SPSB4: variants seen among roughly 807,000 people sequenced by gnomAD.
SPSB4 encodes the protein SPRY domain-containing SOCS box protein 4.
SPSB4 carries 21 observed loss-of-function variants against 20.9 expected under a neutral mutation model. The ratio of observed to expected loss-of-function variants is 1.01; its 90% CI spans 0.71 to 1.45. The LOEUF is 1.45. Among genes scored for constraint, SPSB4 ranks in the 40% most tolerant of loss-of-function variants. The pLI is 0.00. For synonymous variants in SPSB4, 207 were observed against 183.8 expected, an observed-to-expected ratio of 1.13 and a Z score of -1.02; for missense variants, 399 against 399.2, an observed-to-expected ratio of 1.00 and a Z score of 0.00.
intron 2 of SPSB4, among the ~76,000 whole-genome samples, chr3:141,142,662 A>C (rs1939349680): frequency 6.6e-6 from 1 of 151,852 alleles, no homozygotes; most frequent in Non-Finnish European, 1.5e-5. Context: ...ACTATTGTGT[A>C]GTTGTCTATC....
chr3:141,142,073 C>A (rs1939339174), intron 2 of SPSB4, among the ~76,000 whole-genome samples: 1 of 151,896 alleles, frequency 6.6e-6, no homozygotes, highest in African/African-American at 2.4e-5. Flanking sequence ...TATTTATTTT[C>A]TTCTGCTGAG....
intron 2 of SPSB4, among the ~76,000 whole-genome samples, chr3:141,129,486 C>T (rs1390762306): frequency 6.6e-6 from 1 of 152,252 alleles, no homozygotes; most frequent in African/African-American, 2.4e-5. Context: ...ATTTCTCCAC[C>T]ATCCTGTTGC....
At chr3:141,081,518 G>A (rs541679843) in intron 2 of SPSB4, among the ~76,000 whole-genome samples, 1 of 152,312 alleles carries the variant, frequency 6.6e-6, no homozygotes, top group African/African-American at 2.4e-5. Flanking sequence ...GCCAATGAGT[G>A]TCAGGCTGCA....
chr3:141,079,868 C>T (rs751483120), intron 2 of SPSB4, among the ~76,000 whole-genome samples: 18 of 152,066 alleles, frequency 1.2e-4, no homozygotes, highest in African/African-American at 2.7e-4. Context: ...AGGGGAAGAG[C>T]GAGTCAGTGG....
chr3:141,095,078 G>T (rs979905540), intron 2 of SPSB4, among the ~76,000 whole-genome samples: 1 of 152,152 alleles, frequency 6.6e-6, no homozygotes, highest in Non-Finnish European at 1.5e-5. Context: ...CAAACGGGGC[G>T]TGTCTCGTCG....
intron 2 of SPSB4, among the ~76,000 whole-genome samples, chr3:141,135,883 G>T (rs1407154913): frequency 6.6e-6 from 1 of 152,154 alleles, no homozygotes; most frequent in Non-Finnish European, 1.5e-5. Flanking sequence ...GGGTCAAATG[G>T]TATTTCTAGT....
At chr3:141,055,407 TGACA>T (rs1174143402) in intron 1 of SPSB4, among the ~76,000 whole-genome samples, 1 of 152,070 alleles carries the variant, frequency 6.6e-6, no homozygotes, top group Non-Finnish European at 1.5e-5. Context: ...TGGGCCGTGA[TGACA>T]GACAGTGTGG....
At chr3:141,077,798 T>G (rs549675059) in intron 2 of SPSB4, among the ~76,000 whole-genome samples, 2 of 152,322 alleles carry the variant, frequency 1.3e-5, no homozygotes, top group Non-Finnish European at 2.9e-5. Flanking sequence ...GTGGGCTGTT[T>G]AGTGAGGGCT....
chr3:141,143,312 C>T (rs1176856563), intron 2 of SPSB4, among the ~76,000 whole-genome samples: 1 of 152,176 alleles, frequency 6.6e-6, no homozygotes, highest in East Asian at 1.9e-4. Context: ...TTTTTATTCA[C>T]CTTGATGTGG....
chr3:141,111,204 G>A (rs562139899), intron 2 of SPSB4, among the ~76,000 whole-genome samples: 14 of 152,202 alleles, frequency 9.2e-5, no homozygotes, highest in Admixed American at 1.3e-4. Flanking sequence ...AACTTGAACT[G>A]GGTGAGACTA....
chr3:141,052,382 A>C (rs910259658), intron 1 of SPSB4, among the ~76,000 whole-genome samples: 1 of 152,168 alleles, frequency 6.6e-6, no homozygotes, highest in Non-Finnish European at 1.5e-5. Flanking sequence ...TTATAGGGGT[A>C]TTGGAAAGAT....
At chr3:141,142,974 G>C (rs188514499) in intron 2 of SPSB4, among the ~76,000 whole-genome samples, 2 of 151,450 alleles carry the variant, frequency 1.3e-5, no homozygotes, top group African/African-American at 4.9e-5. Flanking sequence ...CCGCCACCAC[G>C]CCCAGCTAAT....
At chr3:141,134,658 G>A (rs1174392378) in intron 2 of SPSB4, among the ~76,000 whole-genome samples, 1 of 152,098 alleles carries the variant, frequency 6.6e-6, no homozygotes, top group Non-Finnish European at 1.5e-5. Flanking sequence ...TGCATGCCTG[G>A]TGTGAAACCT....
intron 2 of SPSB4, among the ~76,000 whole-genome samples, chr3:141,139,942 T>C (rs1939296125): frequency 6.6e-6 from 1 of 152,208 alleles, no homozygotes; most frequent in African/African-American, 2.4e-5. Context: ...CCAACTTGGT[T>C]CCATTCTCCC....
chr3:141,080,700 C>G (rs1938214463), intron 2 of SPSB4, among the ~76,000 whole-genome samples: 1 of 152,226 alleles, frequency 6.6e-6, no homozygotes, highest in Non-Finnish European at 1.5e-5. Flanking sequence ...CTGCGCAAGC[C>G]ACCCAGGAGA....
chr3:141,134,350 A>G (rs1456161797), intron 2 of SPSB4, among the ~76,000 whole-genome samples: 1 of 151,830 alleles, frequency 6.6e-6, no homozygotes, highest in Non-Finnish European at 1.5e-5. Context: ...TCCAGCATAT[A>G]CTGTTGAATA....
intron 1 of SPSB4, among the ~76,000 whole-genome samples, chr3:141,053,224 C>A (rs1576510557): frequency 6.6e-6 from 1 of 150,902 alleles, no homozygotes; most frequent in South Asian, 2.2e-4. Flanking sequence ...CCCCTGCCCC[C>A]CACCCGCGCA....
rs746067228 is a variant in SPSB4, at chr3:141,147,268, G to A, written c.821G>A (p.Ter274=). ...CTCAAAAACTATCTGCAGTACCAGTGAGCCAAGCCTGATGGGCAGCACAGA... is the reference window on the plus strand; with the variant it reads ...CTCAAAAACTATCTGCAGTACCAGTAAGCCAAGCCTGATGGGCAGCACAGA... The part of the protein sequence containing the change: ...QSLKNYLQYQ[*] The change falls in exon 3 of 3, where the codon TGA becomes TAA. Residue 274 remains the stop codon, a stop_retained_variant. Transcript: ENST00000310546. The A allele has an allele frequency of 1.9e-6, 3 of 1,614,208 alleles. No homozygotes were observed. The highest frequency in any genetic ancestry group is 2.5e-6 in the Non-Finnish European group (3 of 1,180,040).
chr3:141,126,956 G>A (rs563829928), intron 2 of SPSB4, among the ~76,000 whole-genome samples: 4 of 152,218 alleles, frequency 2.6e-5, no homozygotes, highest in Admixed American at 6.5e-5. Flanking sequence ...GCTCTCAAAG[G>A]CTGGGCAAGG....
Sources: gnomAD v4.1 joint callset for allele counts (sites outside exome capture counted in the v4.1 genomes callset) on GRCh38, gnomAD v4.1.1 for gene constraint, MANE v1.5 for transcripts, NCBI Gene and HGNC (gene_info 2026-07-23, HGNC 2026-07-21) for gene names.